Variants in SLC30A8 observed in about 807,000 individuals in gnomAD.
SLC30A8 encodes solute carrier family 30 member 8.
In SLC30A8, 27 loss-of-function variants were observed where a neutral mutation model predicts 36.9. The ratio of observed to expected loss-of-function variants is 0.73; its 90% CI spans 0.54 to 1.01. The LOEUF is 1.01. Among genes scored for constraint, SLC30A8 ranks in the 50% least tolerant of loss-of-function variants. The pLI, the probability that SLC30A8 is intolerant of heterozygous loss-of-function variation, is 0.00. For synonymous variants in SLC30A8, 164 were observed against 172.4 expected, an observed-to-expected ratio of 0.95 and a Z score of 0.38; for missense variants, 439 against 452.0, an observed-to-expected ratio of 0.97 and a Z score of 0.26.
intron 1 of SLC30A8, among the ~76,000 whole-genome samples, chr8:116,966,426 C>T (rs1428120632): frequency 6.6e-6 from 1 of 152,072 alleles, no homozygotes; most frequent in African/African-American, 2.4e-5. Flanking sequence ...ATTGGAGTTT[C>T]TGGCATTCCT....
chr8:117,016,478 G>A (rs1446877287), intron 1 of SLC30A8, among the ~76,000 whole-genome samples: 1 of 152,182 alleles, frequency 6.6e-6, no homozygotes, highest in Non-Finnish European at 1.5e-5. Flanking sequence ...ACTCCAGGCT[G>A]AGGTGCCAAA....
At chr8:117,156,623 CAAT>C (rs1204248226) in intron 3 of SLC30A8, among the ~76,000 whole-genome samples, 8 of 152,074 alleles carry the variant, frequency 5.3e-5, no homozygotes, top group African/African-American at 1.9e-4. Flanking sequence ...GTCATATGGA[CAAT>C]AATTACACAT....
At chr8:117,114,698 AG>A (rs1001352033) in intron 2 of SLC30A8, among the ~76,000 whole-genome samples, 6 of 148,760 alleles carry the variant, frequency 4.0e-5, no homozygotes, top group African/African-American at 1.5e-4. Flanking sequence ...TGAGAGAAAA[AG>A]TGGGGGTGTT....
chr8:116,992,567 A>C (rs546200553), intron 1 of SLC30A8, among the ~76,000 whole-genome samples: 16 of 152,244 alleles, frequency 1.1e-4, no homozygotes, highest in African/African-American at 3.4e-4. Context: ...GGAGGGACAA[A>C]AATTAGAGAG....
At chr8:117,111,229 T>C (rs550748363) in intron 2 of SLC30A8, among the ~76,000 whole-genome samples, 1 of 152,314 alleles carries the variant, frequency 6.6e-6, no homozygotes, top group South Asian at 2.1e-4. Context: ...ATTGTTGTTT[T>C]CTGACATGTT....
At chr8:116,964,098 C>T (rs1394627985) in intron 1 of SLC30A8, among the ~76,000 whole-genome samples, 1 of 152,184 alleles carries the variant, frequency 6.6e-6, no homozygotes, top group Non-Finnish European at 1.5e-5. Flanking sequence ...AAAATTCGAT[C>T]TGGATAGGTG....
intron 2 of SLC30A8, among the ~76,000 whole-genome samples, chr8:117,051,904 C>G (rs1179712587): frequency 6.6e-6 from 1 of 152,228 alleles, no homozygotes; most frequent in African/African-American, 2.4e-5. Context: ...TATGCTGGCT[C>G]CCTTTCACCT....
At chr8:117,139,534 G>C (rs1821544232) in intron 1 of SLC30A8, among the ~76,000 whole-genome samples, 1 of 152,070 alleles carries the variant, frequency 6.6e-6, no homozygotes, top group East Asian at 1.9e-4. Context: ...ACAGTCTGTG[G>C]TATGTTGTTA....
At chr8:117,154,961 A>G (rs953566179) in intron 3 of SLC30A8, among the ~76,000 whole-genome samples, 3 of 152,176 alleles carry the variant, frequency 2.0e-5, no homozygotes, top group Non-Finnish European at 4.4e-5. Flanking sequence ...GTGCTACTGA[A>G]GAACCAGATT....
intron 2 of SLC30A8, among the ~76,000 whole-genome samples, chr8:117,044,543 G>A (rs572979791): frequency 6.6e-6 from 1 of 152,324 alleles, no homozygotes; most frequent in East Asian, 1.9e-4. Flanking sequence ...GGGGTCGACT[G>A]CTTCCCTAAG....
chr8:117,173,489 C>T lies in SLC30A8; in HGVS notation c.*808C>T, dbSNP rs1823500178. ...TGCCACAGATAATTTAGATATTTAC[C>T]TGCAAGAAGGAATAAAGCAGATGCA... On this transcript the variant is annotated 3_prime_UTR_variant, in exon 8 of 8. Transcript: ENST00000456015. The T allele has an allele frequency of 2.0e-5, 3 of 152,162 alleles. No homozygotes were observed. The allele number at this position is 152,162 out of a possible 1,614,324, so 9.4% of individuals were successfully genotyped here. A position where few individuals can be genotyped will look rare whatever the true frequency, so the allele number is the denominator to read the frequency against.
chr8:117,094,863 T>C (rs927393223), intron 2 of SLC30A8, among the ~76,000 whole-genome samples: 4 of 152,198 alleles, frequency 2.6e-5, no homozygotes, highest in Admixed American at 2.6e-4. Context: ...CTTCCCATGC[T>C]TGTTGGCACC....
intron 7 of SLC30A8, among the ~76,000 whole-genome samples, chr8:117,171,678 T>C (rs1019017224): frequency 4.6e-5 from 7 of 152,146 alleles, no homozygotes; most frequent in African/African-American, 1.7e-4. Flanking sequence ...TCTGTAGCCA[T>C]GTGAGAAAAT....
intron 2 of SLC30A8, among the ~76,000 whole-genome samples, chr8:117,126,262 G>A (rs1045753929): frequency 5.9e-5 from 9 of 151,742 alleles, no homozygotes; most frequent in Admixed American, 2.0e-4. Context: ...CTGGTTTTAT[G>A]TATGAAGTAT....
At chr8:116,951,174 G>C (rs1813979244) in intron 1 of SLC30A8, 1 of 152,172 alleles carries the variant, frequency 6.6e-6, no homozygotes, top group South Asian at 2.1e-4. Flanking sequence ...AACTTGTAGA[G>C]TAAGGCATCG....
intron 1 of SLC30A8, among the ~76,000 whole-genome samples, chr8:117,023,543 G>A (rs9772527): frequency 0.64 from 97,738 of 151,830 alleles, 32,437 homozygotes; most frequent in African/African-American, 0.81. Flanking sequence ...ATGCAGCCAT[G>A]AAAAATGATG....
At chr8:116,984,688 T>C (rs768253403) in intron 1 of SLC30A8, among the ~76,000 whole-genome samples, 22 of 152,242 alleles carry the variant, frequency 1.4e-4, no homozygotes, top group Non-Finnish European at 3.1e-4. Flanking sequence ...TGGCTACAAA[T>C]GTCTGCTTTT....
intron 1 of SLC30A8, among the ~76,000 whole-genome samples, chr8:116,955,327 C>T (rs932586227): frequency 2.0e-5 from 3 of 152,044 alleles, no homozygotes; most frequent in Admixed American, 6.6e-5. Context: ...AACAGTGACA[C>T]GGATGCAAAC....
intron 1 of SLC30A8, among the ~76,000 whole-genome samples, chr8:116,987,842 C>T (rs1485816849): frequency 1.3e-5 from 2 of 152,050 alleles, no homozygotes; most frequent in South Asian, 2.1e-4. Context: ...ATTACAGATG[C>T]GTGCCACCAC....
Sources: allele counts gnomAD v4.1 joint callset (sites outside exome capture counted in the v4.1 genomes callset), GRCh38; gene constraint gnomAD v4.1.1; transcripts MANE v1.5; gene names NCBI Gene and HGNC (gene_info 2026-07-23, HGNC 2026-07-21).